Variants in CUL3 observed in about 807,000 individuals in gnomAD.
CUL3 encodes the protein cullin 3.
In CUL3, 19 loss-of-function variants were observed where a neutral mutation model predicts 89.1. The ratio of observed to expected loss-of-function variants is 0.21; its 90% CI spans 0.15 to 0.31. The LOEUF is 0.31. Ranked by LOEUF, CUL3 falls within the 10% of genes least tolerant of loss-of-function variation. The pLI, the probability that CUL3 is intolerant of heterozygous loss-of-function variation, is 1.00. For missense variants in CUL3, 469 were observed against 942.3 expected (o/e 0.50, Z 6.58); for synonymous variants, 351 against 308.4 (o/e 1.14, Z -1.45).
chr2:224,531,112 G>C (rs1574663014), intron 3 of CUL3, among the ~76,000 whole-genome samples: 1 of 131,896 alleles, frequency 7.6e-6, no homozygotes, highest in South Asian at 2.4e-4. Flanking sequence ...TTTGAGATAA[G>C]AGTCTTACTC....
At chr2:224,489,808 G>C (rs1691886196) in intron 13 of CUL3, among the ~76,000 whole-genome samples, 1 of 152,148 alleles carries the variant, frequency 6.6e-6, no homozygotes, top group African/African-American at 2.4e-5. Context: ...AAGACTTCAT[G>C]ACTAAAACAC....
chr2:224,485,506 G>C lies in CUL3; in HGVS notation c.1843-3428C>G, dbSNP rs1036451606. On this transcript the variant is annotated intron_variant, in intron 13 of 15. Transcript: ENST00000264414. This position sits in a 1 kb window ranked among gnomAD's most constrained non-coding sequence, Gnocchi z 4.1. Reference sequence around the variant, plus strand: ...CCTCACAGTGTAAACAAGGCCTCCAGGAAGTTCGAACTGGGCGGGTGGCAA... The same window carrying C: ...CCTCACAGTGTAAACAAGGCCTCCACGAAGTTCGAACTGGGCGGGTGGCAA... 2 of 152,270 alleles carry C rather than the reference G, an allele frequency of 1.3e-5. No homozygotes were observed. Among genetic ancestry groups the C allele is most frequent in the African/African-American group, 4.8e-5 (2 of 41,416 alleles). The allele number at this position is 152,270 out of a possible 1,614,324, so 9.4% of individuals were successfully genotyped here. A position where few individuals can be genotyped will look rare whatever the true frequency, so the allele number is the denominator to read the frequency against.
At chr2:224,569,848 G>A in intron 1 of CUL3, 1 of 1,000,924 alleles carries the variant, frequency 1.0e-6, no homozygotes, top group Non-Finnish European at 1.2e-6. Context: ...AGAACAGGGT[G>A]GGTGGGGGAA....
intron 13 of CUL3, among the ~76,000 whole-genome samples, chr2:224,494,240 C>T (rs1692084952): frequency 6.6e-6 from 1 of 151,886 alleles, no homozygotes; most frequent in African/African-American, 2.4e-5. Flanking sequence ...CTTGTGCTCA[C>T]CTGTATATGA....
intron 13 of CUL3, among the ~76,000 whole-genome samples, chr2:224,493,440 G>A (rs991824650): frequency 4.6e-5 from 7 of 152,202 alleles, no homozygotes; most frequent in African/African-American, 1.7e-4. Flanking sequence ...CAGATTTGAG[G>A]TGTCAGCAGC....
In CUL3 at chr2:224,478,323, G is replaced by T. The variant is rs61743301; in HGVS notation, c.2052C>A (p.Ser684=). ...GCCTTGTTTCTTTCCTCTCTGGGTCGGATTCACCTTGTTTGGCAGCAACTA... is the reference window on the plus strand; with the variant it reads ...GCCTTGTTTCTTTCCTCTCTGGGTCTGATTCACCTTGTTTGGCAGCAACTA... ...IQTVAAKQGE[S]DPERKETRQK... is the part of the protein sequence containing the mutation. Residue 684 remains serine, a synonymous_variant, in exon 15 of 16, where the codon TCC becomes TCA. Coordinates refer to ENST00000264414, the MANE Select transcript of CUL3 (RefSeq NM_003590.5). 6.2e-7 allele frequency: 1 copy of T among 1,611,240 alleles called. No individual in the cohort carries two copies.
intron 1 of CUL3, among the ~76,000 whole-genome samples, chr2:224,574,436 A>G (rs16866060): frequency 0.011 from 1,692 of 152,322 alleles, 31 homozygotes; most frequent in African/African-American, 0.038. Context: ...AGCAAGTAGT[A>G]TTCTCCTCAC....
intron 2 of CUL3, among the ~76,000 whole-genome samples, chr2:224,538,274 A>C (rs1476607523): frequency 6.6e-6 from 1 of 152,246 alleles, no homozygotes; most frequent in Non-Finnish European, 1.5e-5. Context: ...ATTTCTGTAG[A>C]AAATTAGTTG....
At chr2:224,493,716 A>G (rs1018110662) in intron 13 of CUL3, among the ~76,000 whole-genome samples, 1 of 152,238 alleles carries the variant, frequency 6.6e-6, no homozygotes, top group African/African-American at 2.4e-5. Context: ...CCAGGTCTTT[A>G]TAAGCCAGGA....
intron 6 of CUL3, among the ~76,000 whole-genome samples, chr2:224,509,648 C>A (rs1692739427): frequency 6.6e-6 from 1 of 152,218 alleles, no homozygotes; most frequent in Non-Finnish European, 1.5e-5. Flanking sequence ...AAGTGCTCGC[C>A]ATGATAGGCA....
intron 13 of CUL3, among the ~76,000 whole-genome samples, chr2:224,492,685 G>C (rs1189587717): frequency 5.3e-5 from 8 of 152,124 alleles, no homozygotes; most frequent in African/African-American, 1.9e-4. Context: ...GACTACTACA[G>C]ATTAAATATG....
At chr2:224,530,096 GGGCGTGGTGGCA>G (rs1693635556) in intron 3 of CUL3, among the ~76,000 whole-genome samples, 3 of 151,844 alleles carry the variant, frequency 2.0e-5, no homozygotes, top group African/African-American at 7.3e-5. Context: ...AAAATTAGCC[GGGCGTGGTGGCA>G]GGCGCCTGTA....
chr2:224,496,828 T>C (rs959928329), intron 12 of CUL3, among the ~76,000 whole-genome samples: 15 of 152,132 alleles, frequency 9.9e-5, no homozygotes, highest in African/African-American at 3.1e-4. Context: ...AAAAATCTAC[T>C]GATCTGCTTA....
In CUL3 at chr2:224,471,462, T is replaced by C. The variant is rs1303253332; in HGVS notation, c.*2783A>G. On this transcript the variant is annotated 3_prime_UTR_variant, in exon 16 of 16. Transcript: ENST00000264414. ...GTAGGCATAATCTTAAAACTGGTTC[T>C]AGGCCTTTTCTGCTACCCAACATAT... 5.1e-6 allele frequency: 1 copy of C among 195,980 alleles called. No individual in the cohort carries two copies. Among genetic ancestry groups the C allele is most frequent in the Non-Finnish European group, 1.1e-5 (1 of 94,496 alleles). 12.1% of individuals were successfully genotyped at this position (195,980 alleles called of 1,614,324 possible). A position where few individuals can be genotyped will look rare whatever the true frequency, so the allele number is the denominator to read the frequency against.
intron 3 of CUL3, among the ~76,000 whole-genome samples, chr2:224,516,199 C>A (rs1693037266): frequency 3.3e-5 from 5 of 152,088 alleles, no homozygotes; most frequent in African/African-American, 1.2e-4. Context: ...ATCTTAACAT[C>A]AATTTTGATG....
rs750439847 is a variant in CUL3 at position 224,502,926 on chromosome 2, T to C, written c.1485+39A>G. On this transcript the variant is annotated intron_variant, in intron 10 of 15. Coordinates refer to ENST00000264414, the MANE Select transcript of CUL3 (RefSeq NM_003590.5). ...AAAATATACCCATTACAAAAGACTT[T>C]ACATGAATATCTAAGTAGAAATTAA... 73 of 1,428,808 alleles carry C rather than the reference T, an allele frequency of 5.1e-5. 2 individuals carry two copies. Among genetic ancestry groups the C allele is most frequent in the South Asian group, 4.9e-4 (42 of 86,090 alleles). 88.5% of individuals were successfully genotyped at this position (1,428,808 alleles called of 1,614,324 possible). A position where few individuals can be genotyped will look rare whatever the true frequency, so the allele number is the denominator to read the frequency against.
At chr2:224,554,898 T>C (rs1014758025) in intron 2 of CUL3, among the ~76,000 whole-genome samples, 12 of 152,228 alleles carry the variant, frequency 7.9e-5, no homozygotes, top group Non-Finnish European at 1.5e-4. Context: ...CCACTTGTCC[T>C]TTTGATGCCA....
chr2:224,572,415 T>C (rs1023046647), intron 1 of CUL3, among the ~76,000 whole-genome samples: 2 of 150,792 alleles, frequency 1.3e-5, no homozygotes, highest in African/African-American at 4.9e-5. Context: ...AAAGCCAAAG[T>C]GTGTGGATCA....
intron 3 of CUL3, among the ~76,000 whole-genome samples, chr2:224,532,415 C>G (rs537702349): frequency 1.3e-5 from 2 of 148,802 alleles, no homozygotes; most frequent in East Asian, 4.0e-4. Context: ...ATCAAGGAAA[C>G]ATGTTAGAAG....
Sources: gnomAD v4.1 joint callset for allele counts (sites outside exome capture counted in the v4.1 genomes callset) on GRCh38, gnomAD v4.1.1 for gene constraint, Gnocchi (gnomAD v3.1) non-coding constraint, MANE v1.5 for transcripts, NCBI Gene and HGNC (gene_info 2026-07-23, HGNC 2026-07-21) for gene names.